SMUG1: variants seen among roughly 807,000 people sequenced by gnomAD.
SMUG1 encodes the protein single-strand selective monofunctional uracil DNA glycosylase.
Under a neutral mutation model 23.9 loss-of-function variants are expected in SMUG1, and 13 were observed. The ratio of observed to expected loss-of-function variants is 0.54; its 90% CI spans 0.35 to 0.86. The LOEUF (loss-of-function observed/expected upper bound fraction) is 0.86. SMUG1 is among the 40% of genes least tolerant of loss of function. The pLI, the probability that SMUG1 is intolerant of heterozygous loss-of-function variation, is 0.01. For missense variants in SMUG1, 313 were observed against 339.5 expected, an observed-to-expected ratio of 0.92 and a Z score of 0.61; for synonymous variants, 133 against 139.8, an observed-to-expected ratio of 0.95 and a Z score of 0.34.
At chr12:54,188,295 A>T (rs1279625140) in intron 1 of SMUG1, among the ~76,000 whole-genome samples, 1,206 of 68,816 alleles carry the variant, frequency 0.018, 17 homozygotes, top group African/African-American at 0.048. Context: ...TAATAATAAT[A>T]AATAATAATA....
At chr12:54,171,249 C>G (rs1255832693) in intron 3 of SMUG1, among the ~76,000 whole-genome samples, 1 of 145,060 alleles carries the variant, frequency 6.9e-6, no homozygotes, top group Non-Finnish European at 1.5e-5. Context: ...ATCGGCCCAC[C>G]TCGGCCTCCC....
At chr12:54,158,487 C>G (rs1349480314) in intron 4 of SMUG1, among the ~76,000 whole-genome samples, 3 of 152,168 alleles carry the variant, frequency 2.0e-5, no homozygotes. Flanking sequence ...TGCCTCCAGC[C>G]AGGGGCACTC....
At chr12:54,179,033 A>T (rs1183997658), downstream of SMUG1, among the ~76,000 whole-genome samples, 2 of 152,150 alleles carry the variant, frequency 1.3e-5, no homozygotes, top group Non-Finnish European at 2.9e-5. Flanking sequence ...CTGCCCTCAC[A>T]CATTAGACTC....
chr12:54,161,976 C>T (rs144830915), downstream of SMUG1: 524 of 152,560 alleles, frequency 3.4e-3, 2 homozygotes, highest in Non-Finnish European at 5.7e-3. This position sits in a 1 kb window ranked among gnomAD's most constrained non-coding sequence, Gnocchi z 4.2. Context: ...GGAGCAGAAC[C>T]AGAGCCCTGA....
downstream of SMUG1, among the ~76,000 whole-genome samples, chr12:54,162,962 C>T (rs982387320): frequency 7.2e-5 from 11 of 152,096 alleles, no homozygotes; most frequent in East Asian, 1.5e-3. Flanking sequence ...TGCGATGGGC[C>T]GGAACGAGGG....
At chr12:54,167,131 C>T (rs1461387912) in intron 3 of SMUG1, among the ~76,000 whole-genome samples, 2 of 152,116 alleles carry the variant, frequency 1.3e-5, no homozygotes, top group Non-Finnish European at 2.9e-5. Context: ...GACGGACATT[C>T]CTAGGCAGCT....
At chr12:54,185,687 T>C (rs1421796520) in intron 2 of SMUG1, among the ~76,000 whole-genome samples, 2 of 151,610 alleles carry the variant, frequency 1.3e-5, no homozygotes, top group Admixed American at 1.3e-4. Context: ...GGCACGTGCC[T>C]GTAATTCCAG....
intron 2 of SMUG1, chr12:54,172,272 C>G: frequency 2.7e-6 from 1 of 364,404 alleles, no homozygotes; most frequent in Middle Eastern, 3.8e-4. Context: ...CCCTGATTTT[C>G]TCTGCTTCAG....
At chr12:54,164,191 G>A (rs539838924), downstream of SMUG1, among the ~76,000 whole-genome samples, 3 of 152,100 alleles carry the variant, frequency 2.0e-5, no homozygotes, top group South Asian at 4.2e-4. Context: ...AGGGAGAACT[G>A]GGGAGAGAGA....
downstream of SMUG1, among the ~76,000 whole-genome samples, chr12:54,176,650 C>CA (rs34521255): frequency 1.0e-3 from 153 of 150,640 alleles, no homozygotes; most frequent in Non-Finnish European, 1.6e-3. Flanking sequence ...ACTAAAAATA[C>CA]AAAAAAATTA....
chr12:54,174,568 A>C (rs1940707860), intron 2 of SMUG1, among the ~76,000 whole-genome samples: 1 of 152,212 alleles, frequency 6.6e-6, no homozygotes, highest in Non-Finnish European at 1.5e-5. Context: ...GGAAGGACAG[A>C]ATGACCTGCA....
chr12:54,167,918 T>A (rs1449210513), intron 3 of SMUG1, among the ~76,000 whole-genome samples: 1 of 152,248 alleles, frequency 6.6e-6, no homozygotes, highest in Non-Finnish European at 1.5e-5. Context: ...AGGCCTCCTG[T>A]TCACCTGTGT....
intron 2 of SMUG1, among the ~76,000 whole-genome samples, chr12:54,186,533 G>T (rs59910786): frequency 3.9e-5 from 6 of 152,140 alleles, no homozygotes; most frequent in African/African-American, 1.4e-4. Flanking sequence ...GTAGAGACAG[G>T]GTTTCACCAT....
chr12:54,187,772 A>G (rs1479018035), intron 2 of SMUG1, 47 bp downstream of exon 2: 1 of 137,290 alleles, frequency 7.3e-6, no homozygotes, highest in Non-Finnish European at 1.6e-5. Flanking sequence ...CATCCAACCT[A>G]CCACCTGTTA....
chr12:54,185,911 G>A (rs1359437816), intron 2 of SMUG1, among the ~76,000 whole-genome samples: 2 of 152,094 alleles, frequency 1.3e-5, no homozygotes, highest in Non-Finnish European at 2.9e-5. Context: ...AGAGAGAAGG[G>A]AGGTGGGAGG....
downstream of SMUG1, chr12:54,162,230 G>A (rs1401058846): frequency 1.3e-5 from 2 of 152,200 alleles, no homozygotes; most frequent in Non-Finnish European, 2.9e-5. Context: ...ATCCAGTGTG[G>A]ACCCCTGCAG....
chr12:54,184,034 C>A, intron 2 of SMUG1, 75 bp from the exon 3 acceptor site: 1 of 1,276,658 alleles, frequency 7.8e-7, no homozygotes, highest in South Asian at 1.6e-5. Flanking sequence ...TGCCAGGGCC[C>A]CCACTACCAT....
chr12:54,159,146 T>TGTCAGC (rs1252745573), intron 4 of SMUG1, among the ~76,000 whole-genome samples: 1 of 151,828 alleles, frequency 6.6e-6, no homozygotes, highest in Non-Finnish European at 1.5e-5. Flanking sequence ...TAGTTCAGGT[T>TGTCAGC]GTCAGCCCCA....
At chr12:54,179,432 C>T (rs1940833297), downstream of SMUG1, among the ~76,000 whole-genome samples, 1 of 152,112 alleles carries the variant, frequency 6.6e-6, no homozygotes, top group Non-Finnish European at 1.5e-5. Flanking sequence ...ATTTCCTCAG[C>T]TAAATATATA....
Sources: gnomAD v4.1 joint callset for allele counts (sites outside exome capture counted in the v4.1 genomes callset) on GRCh38, gnomAD v4.1.1 for gene constraint, Gnocchi (gnomAD v3.1) non-coding constraint, MANE v1.5 for transcripts, NCBI Gene and HGNC (gene_info 2026-07-23, HGNC 2026-07-21) for gene names.